PITPNC1: variants seen among roughly 807,000 people sequenced by gnomAD.
PITPNC1 encodes phosphatidylinositol transfer protein cytoplasmic 1.
A neutral mutation model predicts 44.7 loss-of-function variants in PITPNC1; 18 were observed. The observed-to-expected ratio is 0.40, with a 90% confidence interval of 0.28 to 0.60. The LOEUF (loss-of-function observed/expected upper bound fraction) is 0.60, where lower values mean the gene tolerates loss of function less well. Among genes scored for constraint, PITPNC1 ranks in the 20% least tolerant of loss-of-function variants. The pLI, the probability that PITPNC1 is intolerant of heterozygous loss-of-function variation, is 0.39. For missense variants in PITPNC1, 290 were observed against 418.4 expected (o/e 0.69, Z 2.68); for synonymous variants, 141 against 149.6 (o/e 0.94, Z 0.42).
chr17:67,439,608 A>G (rs191941678), intron 1 of PITPNC1, among the ~76,000 whole-genome samples: 17 of 152,316 alleles, frequency 1.1e-4, no homozygotes, highest in Admixed American at 3.9e-4. Flanking sequence ...TCACTCATTC[A>G]TTTATTGAAA....
At chr17:67,428,612 T>C (rs1400635571) in intron 1 of PITPNC1, among the ~76,000 whole-genome samples, 1 of 151,862 alleles carries the variant, frequency 6.6e-6, no homozygotes, top group Non-Finnish European at 1.5e-5. Flanking sequence ...GTAATGAGAT[T>C]ATAGATGATT....
At chr17:67,476,188 CT>C (rs10633927) in intron 1 of PITPNC1, among the ~76,000 whole-genome samples, 230 of 137,652 alleles carry the variant, frequency 1.7e-3, no homozygotes, top group East Asian at 8.3e-3. Context: ...TCTTTCTTTT[CT>C]TTTTTTTTTT....
chr17:67,605,632 A>T (rs1474032870), intron 5 of PITPNC1, among the ~76,000 whole-genome samples: 1 of 152,164 alleles, frequency 6.6e-6, no homozygotes, highest in African/African-American at 2.4e-5. Context: ...AAGTCCTTTT[A>T]TCCGTTGTGG....
chr17:67,565,093 G>T (rs560652288), intron 4 of PITPNC1, among the ~76,000 whole-genome samples: 8 of 149,872 alleles, frequency 5.3e-5, no homozygotes, highest in African/African-American at 2.0e-4. Context: ...GTGTATACTT[G>T]TTTCCCATGT....
intron 2 of PITPNC1, among the ~76,000 whole-genome samples, chr17:67,548,428 T>C (rs925424795): frequency 2.0e-5 from 3 of 152,024 alleles, no homozygotes; most frequent in Admixed American, 6.6e-5. Context: ...TTGTCTCTAC[T>C]AAAAATACAA....
intron 1 of PITPNC1, among the ~76,000 whole-genome samples, chr17:67,463,281 G>A (rs1025482700): frequency 3.3e-5 from 5 of 152,138 alleles, no homozygotes; most frequent in Non-Finnish European, 7.4e-5. Context: ...GTGGGTAGGG[G>A]GGATTGAAAG....
At chr17:67,396,558 C>T (rs138240314) in intron 1 of PITPNC1, among the ~76,000 whole-genome samples, 133 of 151,622 alleles carry the variant, frequency 8.8e-4, no homozygotes, top group Admixed American at 2.1e-3. Context: ...TTAGTAGGGA[C>T]GGGGTTTCAT....
chr17:67,456,494 T>C (rs1454402408), intron 1 of PITPNC1, among the ~76,000 whole-genome samples: 2 of 152,186 alleles, frequency 1.3e-5, no homozygotes, highest in Non-Finnish European at 2.9e-5. Context: ...TTTCTGTTTT[T>C]TCTCCATTTC....
At chr17:67,495,233 A>G (rs1369302872) in intron 1 of PITPNC1, among the ~76,000 whole-genome samples, 1 of 150,274 alleles carries the variant, frequency 6.7e-6, no homozygotes, top group African/African-American at 2.4e-5. Flanking sequence ...ATTTTTTTGT[A>G]TTTTTTAGTA....
chr17:67,490,739 G>T (rs937050526), intron 1 of PITPNC1, among the ~76,000 whole-genome samples: 2 of 152,138 alleles, frequency 1.3e-5, no homozygotes, highest in Non-Finnish European at 2.9e-5. Context: ...AATGAGTTGG[G>T]GGCTTTGTCA....
intron 1 of PITPNC1, among the ~76,000 whole-genome samples, chr17:67,427,854 T>C (rs1009292767): frequency 5.9e-5 from 9 of 152,232 alleles, no homozygotes; most frequent in African/African-American, 2.2e-4. Flanking sequence ...TAGAAATCAA[T>C]TCCAACTCTT....
intron 5 of PITPNC1, among the ~76,000 whole-genome samples, chr17:67,628,536 C>T (rs534181985): frequency 7.2e-5 from 11 of 152,338 alleles, no homozygotes; most frequent in African/African-American, 2.2e-4. Context: ...TGGCAGGGGC[C>T]TCTCTGCATG....
intron 5 of PITPNC1, among the ~76,000 whole-genome samples, chr17:67,588,505 G>A (rs1446663101): frequency 6.6e-6 from 1 of 152,002 alleles, no homozygotes; most frequent in East Asian, 1.9e-4. Flanking sequence ...CCCCACCCAG[G>A]GCACGAAGCC....
chr17:67,687,216 C>A, intron 8 of PITPNC1: 1 of 1,157,104 alleles, frequency 8.6e-7, no homozygotes, highest in Non-Finnish European at 1.3e-6. Context: ...TGTTGCCCAC[C>A]CTTTCACAAA....
chr17:67,690,538 T>G (rs1462601957), intron 8 of PITPNC1, among the ~76,000 whole-genome samples: 1 of 152,144 alleles, frequency 6.6e-6, no homozygotes, highest in Non-Finnish European at 1.5e-5. Flanking sequence ...AAAGTGGCTA[T>G]ATTGTTTCCT....
At chr17:67,686,895 C>A (rs1018217423) in intron 8 of PITPNC1, among the ~76,000 whole-genome samples, 15 of 152,152 alleles carry the variant, frequency 9.9e-5, no homozygotes, top group African/African-American at 3.6e-4. Context: ...TGCCCTCACT[C>A]CCCCTTTGGT....
intron 1 of PITPNC1, among the ~76,000 whole-genome samples, chr17:67,495,043 T>TTTG (rs2039928546): frequency 1.6e-5 from 1 of 62,116 alleles, no homozygotes; most frequent in Non-Finnish European, 3.1e-5. Context: ...TGGAGTTGTT[T>TTTG]TTTTTTTTGT....
intron 5 of PITPNC1, among the ~76,000 whole-genome samples, chr17:67,630,717 CT>C (rs113540590): frequency 2.0e-3 from 292 of 144,036 alleles, no homozygotes; most frequent in Middle Eastern, 3.6e-3. Context: ...GAAATTTAGA[CT>C]TTTTTTTTTT....
rs185432235 is a variant in PITPNC1, at chr17:67,624,709, G to C, written c.367-7434G>C. 1.0e-2 allele frequency among the ~76,000 whole-genome samples: 1,514 copies of C among 151,890 alleles called. 12 individuals carry two copies. Among genetic ancestry groups the C allele is most frequent in the Admixed American group, 0.015 (232 of 15,228 alleles). On this transcript the variant is annotated intron_variant, in intron 5 of 8. Coordinates refer to ENST00000581322, the MANE Select transcript of PITPNC1 (RefSeq NM_012417.4). ...GCTGATTTTTGTATTTTTTAATAGA[G>C]ACTGGGTTTTGCCATGTTGCCTAGG...
Sources: gnomAD v4.1 joint callset for allele counts (sites outside exome capture counted in the v4.1 genomes callset) on GRCh38, gnomAD v4.1.1 for gene constraint, MANE v1.5 for transcripts, NCBI Gene and HGNC (gene_info 2026-07-23, HGNC 2026-07-21) for gene names.